Variants in SEPTIN2 observed in about 807,000 individuals in gnomAD.
SEPTIN2 encodes septin 2.
Under a neutral mutation model 46.5 loss-of-function variants are expected in SEPTIN2, and 34 were observed. That is an observed-to-expected ratio of 0.73 (90% CI 0.56 to 0.97). SEPTIN2 has a LOEUF of 0.97. Among genes scored for constraint, SEPTIN2 ranks in the 50% least tolerant of loss-of-function variants. The probability of loss-of-function intolerance (pLI) is 0.00; values close to 1 mark genes in which losing one functional copy is unlikely to be tolerated. For synonymous variants in SEPTIN2, 175 were observed against 153.4 expected (o/e 1.14, Z -1.04); for missense variants, 347 against 448.4 (o/e 0.77, Z 2.04).
chr2:241,349,129 G>C (rs2060541451), intron 11 of SEPTIN2, among the ~76,000 whole-genome samples: 1 of 152,088 alleles, frequency 6.6e-6, no homozygotes, highest in Non-Finnish European at 1.5e-5. Context: ...GGAGGCCAAG[G>C]TGGGAGAATC....
chr2:241,337,652 CA>C lies in SEPTIN2; in HGVS notation c.477-19del. ...GTATGTATTTTTTTTAAATAAGTGA[CA>C]ATTCTAAAATTAATTTTAGACTTAA... On this transcript the variant is annotated intron_variant, in intron 6 of 12. Coordinates refer to ENST00000391971, the MANE Select transcript of SEPTIN2 (RefSeq NM_004404.5). 1 of 1,591,274 alleles carries C rather than the reference CA, an allele frequency of 6.3e-7. No homozygotes were observed. The highest frequency in any genetic ancestry group is 8.6e-7 in the Non-Finnish European group (1 of 1,165,812).
intron 7 of SEPTIN2, among the ~76,000 whole-genome samples, chr2:241,340,608 A>G (rs1400787719): frequency 3.3e-5 from 5 of 152,206 alleles, no homozygotes; most frequent in Admixed American, 2.0e-4. Flanking sequence ...GTACTCTGCT[A>G]TATTAAATTT....
intron 1 of SEPTIN2, chr2:241,317,405 C>A (rs539055202): frequency 6.6e-6 from 2 of 301,982 alleles, no homozygotes. Flanking sequence ...CTGACTGGCT[C>A]TTAAACTAGC....
intron 4 of SEPTIN2, 102 bp from the exon 5 acceptor site, chr2:241,335,873 T>C: frequency 6.8e-7 from 1 of 1,462,026 alleles, no homozygotes; most frequent in Non-Finnish European, 9.6e-7. Flanking sequence ...AGAACCTACC[T>C]CTGTAGAGAG....
At chr2:241,326,268 AT>A (rs1434451148) in intron 3 of SEPTIN2, among the ~76,000 whole-genome samples, 155 bp downstream of exon 3, 4 of 152,046 alleles carry the variant, frequency 2.6e-5, no homozygotes, top group Non-Finnish European at 4.4e-5. Context: ...TCATTAGAAA[AT>A]TTTTCTCAGG....
intron 9 of SEPTIN2, among the ~76,000 whole-genome samples, chr2:241,345,476 G>C (rs1386232084): frequency 6.6e-6 from 1 of 152,192 alleles, no homozygotes; most frequent in Non-Finnish European, 1.5e-5. Context: ...CTCACAATGA[G>C]GTAGAGTGAG....
chr2:241,348,182 A>G lies in SEPTIN2; in HGVS notation c.975A>G (p.Lys325=). The change falls in exon 11 of 13, where the codon AAA becomes AAG. Residue 325 remains lysine (K), a synonymous_variant. Coordinates refer to ENST00000391971, the MANE Select transcript of SEPTIN2 (RefSeq NM_004404.5). ...ATAAAGACCAGATCTTGCTGGAAAAAGAAGCTGAGGTAAGTAGGAAAGTAC... is the reference window on the plus strand; with the variant it reads ...ATAAAGACCAGATCTTGCTGGAAAAGGAAGCTGAGGTAAGTAGGAAAGTAC... ...DMNKDQILLE[K]EAELRRMQEM... 1.9e-6 allele frequency: 3 copies of G among 1,612,646 alleles called. No homozygotes were observed. Among genetic ancestry groups the G allele is most frequent in the Non-Finnish European group, 2.5e-6 (3 of 1,179,232 alleles).
intron 1 of SEPTIN2, among the ~76,000 whole-genome samples, chr2:241,322,600 C>T (rs1021015802): frequency 4.7e-5 from 7 of 148,712 alleles, no homozygotes; most frequent in African/African-American, 1.0e-4. Context: ...TGCGAGACTC[C>T]GTCTCAAAAA....
intron 1 of SEPTIN2, 113 bp from the exon 2 acceptor site, chr2:241,324,103 C>A: frequency 3.3e-6 from 3 of 919,038 alleles, no homozygotes; most frequent in East Asian, 5.0e-5. Context: ...TTTTACATTG[C>A]CTATGTATGT....
chr2:241,347,330 A>T (rs1559668460), intron 10 of SEPTIN2, among the ~76,000 whole-genome samples: 2 of 152,232 alleles, frequency 1.3e-5, no homozygotes, highest in Admixed American at 1.3e-4. Context: ...TATGTTGTAC[A>T]CATTGAAGTC....
upstream of SEPTIN2, chr2:241,315,694 C>G (rs1044980313): frequency 1.3e-5 from 2 of 152,478 alleles, no homozygotes; most frequent in Non-Finnish European, 2.9e-5. Flanking sequence ...CCACCCCCAG[C>G]CTCTATATGG....
chr2:241,348,015 A>C (rs2060424638), intron 10 of SEPTIN2, 119 bp from the exon 11 acceptor site: 2 of 762,268 alleles, frequency 2.6e-6, no homozygotes, highest in Non-Finnish European at 2.2e-6. Flanking sequence ...ACACCATCTC[A>C]ATATAAAAAG....
At chr2:241,320,837 T>C (rs531244905) in intron 1 of SEPTIN2, among the ~76,000 whole-genome samples, 40 of 152,016 alleles carry the variant, frequency 2.6e-4, no homozygotes, top group Non-Finnish European at 5.2e-4. Flanking sequence ...CCCTTCTTTT[T>C]CCCCCCCTCA....
intron 1 of SEPTIN2, among the ~76,000 whole-genome samples, chr2:241,321,549 A>T (rs1323318423): frequency 6.6e-6 from 1 of 150,990 alleles, no homozygotes; most frequent in African/African-American, 2.4e-5. Context: ...CATATACGTT[A>T]TAGCTGGACG....
intron 3 of SEPTIN2, among the ~76,000 whole-genome samples, chr2:241,333,153 G>A (rs537185751): frequency 2.2e-4 from 33 of 152,306 alleles, no homozygotes; most frequent in African/African-American, 7.0e-4. Context: ...GGTTGAGGGT[G>A]AGTAGTGAAA....
intron 7 of SEPTIN2, among the ~76,000 whole-genome samples, chr2:241,339,044 T>C (rs1242854842): frequency 7.7e-6 from 1 of 130,506 alleles, no homozygotes; most frequent in Non-Finnish European, 1.6e-5. Context: ...ATATTATATA[T>C]ACATTTTTAT....
At chr2:241,316,426 G>A in intron 1 of SEPTIN2, 1 of 1,238,372 alleles carries the variant, frequency 8.1e-7, no homozygotes, top group Non-Finnish European at 1.1e-6. Flanking sequence ...CCTGAGGCGT[G>A]GAGGACTGGC....
Position 241,353,430 on chromosome 2 carries a change from A to T in SEPTIN2, c.*1493A>T, listed in dbSNP as rs2060920058. On this transcript the variant is annotated 3_prime_UTR_variant, in exon 13 of 13. Coordinates refer to ENST00000391971, the MANE Select transcript of SEPTIN2 (RefSeq NM_004404.5). The stretch of plus-strand genomic sequence containing the variant: ...AGACAATGGTTGTGTAGGGAGATGG[A>T]GAAAATGCTTAATCTGAGGATGAGA... 1 of 152,174 alleles carries T rather than the reference A, an allele frequency of 6.6e-6. No individual in the cohort carries two copies. Among genetic ancestry groups the T allele is most frequent in the African/African-American group, 2.4e-5 (1 of 41,424 alleles). The allele number at this position is 152,174 out of a possible 1,614,324, so 9.4% of individuals were successfully genotyped here. A position where few individuals can be genotyped will look rare whatever the true frequency, so the allele number is the denominator to read the frequency against.
rs988117609 is a variant in SEPTIN2 at position 241,352,870 on chromosome 2, T to C, written c.*933T>C. On this transcript the variant is annotated 3_prime_UTR_variant, in exon 13 of 13. Coordinates refer to ENST00000391971, the MANE Select transcript of SEPTIN2 (RefSeq NM_004404.5). ...AGTTGGTCTATTCAGAATCAAACCT[T>C]TTTATATTTTATACTGCACTTTAGT... 1.3e-5 allele frequency: 2 copies of C among 152,210 alleles called. No individual in the cohort carries two copies. The highest frequency in any genetic ancestry group is 2.9e-5 in the Non-Finnish European group (2 of 68,048). 9.4% of individuals were successfully genotyped at this position (152,210 alleles called of 1,614,324 possible). A position where few individuals can be genotyped will look rare whatever the true frequency, so the allele number is the denominator to read the frequency against.
Sources: allele counts gnomAD v4.1 joint callset (sites outside exome capture counted in the v4.1 genomes callset), GRCh38; gene constraint gnomAD v4.1.1; transcripts MANE v1.5; gene names NCBI Gene and HGNC (gene_info 2026-07-23, HGNC 2026-07-21).